The following ECI2 variants were observed in gnomAD, a reference collection of about 807,000 sequenced individuals.
ECI2 encodes the protein D3,D2-enoyl-CoA isomerase.
Under a neutral mutation model 38.4 loss-of-function variants are expected in ECI2, and 27 were observed. That is an observed-to-expected ratio of 0.70 (90% CI 0.52 to 0.97). The LOEUF (loss-of-function observed/expected upper bound fraction) is 0.97. Ranked by LOEUF, ECI2 falls within the 50% of genes least tolerant of loss-of-function variation. ECI2 has a pLI of 0.00. For synonymous variants in ECI2, 168 were observed against 172.0 expected (o/e 0.98, Z 0.18); for missense variants, 470 against 474.4 (o/e 0.99, Z 0.09).
At chr6:4,127,404 CTTTTTTTTTT>C (rs71001567) in intron 5 of ECI2, among the ~76,000 whole-genome samples, 34 of 75,900 alleles carry the variant, frequency 4.5e-4, no homozygotes, top group South Asian at 1.3e-3. Flanking sequence ...ATCTTAGAGC[CTTTTTTTTTT>C]TTTTTTTTTT....
At chr6:4,119,417 T>G in intron 7 of ECI2, 142 bp from the exon 8 acceptor site, 1 of 555,070 alleles carries the variant, frequency 1.8e-6, no homozygotes, top group Admixed American at 3.2e-5. Context: ...ACCCCTTGGG[T>G]TCAAGCGATT....
intron 9 of ECI2, among the ~76,000 whole-genome samples, 192 bp from the exon 10 acceptor site, chr6:4,116,221 C>T (rs1450173428): frequency 2.0e-5 from 3 of 151,756 alleles, no homozygotes; most frequent in African/African-American, 7.3e-5. Context: ...TGTGGTGGTA[C>T]ATGCCTGTGA....
intron 7 of ECI2, chr6:4,121,976 A>T: frequency 6.3e-7 from 1 of 1,599,758 alleles, no homozygotes; most frequent in Non-Finnish European, 8.5e-7. Flanking sequence ...ATGTACCCAG[A>T]AGACACAGCC....
intron 7 of ECI2, among the ~76,000 whole-genome samples, chr6:4,123,125 AT>A (rs1228709941): frequency 6.6e-6 from 1 of 151,808 alleles, no homozygotes; most frequent in Non-Finnish European, 1.5e-5. Context: ...TTATAAAACA[AT>A]TTTTTCTACA....
intron 7 of ECI2, among the ~76,000 whole-genome samples, chr6:4,123,591 A>G (rs1469454685): frequency 6.6e-6 from 1 of 150,662 alleles, no homozygotes; most frequent in Non-Finnish European, 1.5e-5. Context: ...GATATGTTTT[A>G]TATGTATTAT....
intron 2 of ECI2, among the ~76,000 whole-genome samples, chr6:4,132,384 C>A (rs1033335732): frequency 2.0e-5 from 3 of 152,012 alleles, no homozygotes; most frequent in Non-Finnish European, 4.4e-5. Flanking sequence ...GACTGTATAA[C>A]CTGAAGCCCC....
At chr6:4,120,714 GA>G (rs759717859) in intron 7 of ECI2, among the ~76,000 whole-genome samples, 113 of 138,252 alleles carry the variant, frequency 8.2e-4, no homozygotes, top group East Asian at 1.0e-3. Flanking sequence ...ATGACAGAGT[GA>G]AAAAAAAAAA....
chr6:4,133,411 C>T (rs1201815642), intron 2 of ECI2, 138 bp downstream of exon 2: 374 of 744,656 alleles, frequency 5.0e-4, no homozygotes, highest in Non-Finnish European at 6.4e-4. Flanking sequence ...TATATATATA[C>T]ACACACACAC....
chr6:4,119,176 CA>C lies in ECI2; in HGVS notation c.885+9del. 3 of 1,607,394 alleles carry C rather than the reference CA, an allele frequency of 1.9e-6. No individual in the cohort carries two copies. The highest frequency in any genetic ancestry group is 2.5e-6 in the Non-Finnish European group (3 of 1,176,808). ...CATAAAATTTTATATTTAAACATTC[CA>C]AAAGTTACCTTGGCTGGGCTCATTA... is the stretch of plus-strand genomic sequence containing the variant. On this transcript the variant is annotated intron_variant, in intron 8 of 9. Coordinates refer to ENST00000380118, the MANE Select transcript of ECI2 (RefSeq NM_206836.3).
At chr6:4,129,461 G>A (rs1386120160) in intron 4 of ECI2, among the ~76,000 whole-genome samples, 1 of 152,112 alleles carries the variant, frequency 6.6e-6, no homozygotes, top group African/African-American at 2.4e-5. Flanking sequence ...ATGTGAACTT[G>A]AGTAAGTTAC....
Position 4,133,560 on chromosome 6 carries a change from G to C in ECI2, c.202C>G (p.Leu68Val), listed in dbSNP as rs1773590667. ...CCGTAGGCATTTACCTGCTTATATA[G>C]CGCGTAGAGTTTTAGCTTCACTTCG... ...GNEVKLKLYA[L>V]YKQATEGPCN... Residue 68 changes from leucine to valine, a missense_variant, in exon 2 of 10, where the codon CTA becomes GTA. Leu to Val is a conservative substitution (Grantham distance 32). Coordinates refer to ENST00000380118, the MANE Select transcript of ECI2 (RefSeq NM_206836.3). The C allele has an allele frequency of 6.2e-7, 1 of 1,611,792 alleles. No individual in the cohort carries two copies. The highest frequency in any genetic ancestry group is 1.7e-5 in the Admixed American group (1 of 59,556).
chr6:4,125,295 G>A lies in ECI2; in HGVS notation c.750C>T (p.Ser250=), dbSNP rs749602104. 7 of 1,614,016 alleles carry A rather than the reference G, an allele frequency of 4.3e-6. No homozygotes were observed. Among genetic ancestry groups the A allele is most frequent in the Middle Eastern group, 3.3e-4 (2 of 6,084 alleles). The part of the protein sequence containing the change: ...AVVNGPAVGI[S]VTLLGLFDAV... ...CATCGAATAGCCCAAGGAGGGTGAC[G>A]GAGATGCCCACAGCTGGACCATTGA... The change falls in exon 7 of 10, where the codon TCC becomes TCT. Residue 250 remains serine (S), a synonymous_variant. Coordinates refer to ENST00000380118, the MANE Select transcript of ECI2 (RefSeq NM_206836.3).
chr6:4,131,930 A>G (rs1359763692), intron 2 of ECI2, among the ~76,000 whole-genome samples: 1 of 152,152 alleles, frequency 6.6e-6, no homozygotes, highest in Non-Finnish European at 1.5e-5. Context: ...ATTTCTTTAG[A>G]CAGAGATAGT....
Position 4,115,859 on chromosome 6 carries a change from C to G in ECI2, c.*15G>C, listed in dbSNP as rs1366480382. The G allele has an allele frequency of 6.2e-7, 1 of 1,605,116 alleles. No individual in the cohort carries two copies. Among genetic ancestry groups the G allele is most frequent in the East Asian group, 2.2e-5 (1 of 44,870 alleles). ...CATCCTTCCTTGGACATGCTTTACTCTGCTGTAGTGGTCATCACAGTTTTG... is the reference window on the plus strand; with the variant it reads ...CATCCTTCCTTGGACATGCTTTACTGTGCTGTAGTGGTCATCACAGTTTTG... On this transcript the variant is annotated 3_prime_UTR_variant, in exon 10 of 10. Coordinates refer to ENST00000380118, the MANE Select transcript of ECI2 (RefSeq NM_206836.3).
chr6:4,134,647 C>T (rs747449777), intron 1 of ECI2, among the ~76,000 whole-genome samples: 11 of 152,142 alleles, frequency 7.2e-5, no homozygotes. Context: ...TAGGTTCAAA[C>T]TTTGGACTAT....
At position 4,129,120 on chromosome 6, in the gene ECI2, T is replaced by C. The variant is rs563892771; in HGVS notation, c.501+1252A>G. Among the ~76,000 whole-genome samples, 27 of 146,972 alleles carry C rather than the reference T, an allele frequency of 1.8e-4. 1 individual carries two copies. The highest frequency in any genetic ancestry group is 6.1e-4 in the East Asian group (3 of 4,936). On this transcript the variant is annotated intron_variant, in intron 4 of 9. Coordinates refer to ENST00000380118, the MANE Select transcript of ECI2 (RefSeq NM_206836.3). ...TCCCTCCCTCCCTTCCTCCCTTCCT[T>C]CCTTCCTTCTTTTTTGAGATGGAGT...
intron 8 of ECI2, chr6:4,118,930 A>G: frequency 2.9e-6 from 1 of 345,532 alleles, no homozygotes; most frequent in Non-Finnish European, 5.3e-6. Flanking sequence ...CAGTGCAGCT[A>G]GCACTAAGCA....
chr6:4,132,761 TCTC>T (rs1773558056), intron 2 of ECI2, among the ~76,000 whole-genome samples: 1 of 152,170 alleles, frequency 6.6e-6, no homozygotes, highest in African/African-American at 2.4e-5. Context: ...CATCTCTCTC[TCTC>T]TTTATTTTCT....
chr6:4,115,885 A>G lies in ECI2; in HGVS notation c.1174T>C (p.Ser392Pro), dbSNP rs1408016303. ...NAVVNFLSRK[S>P]KL Reference sequence around the variant, plus strand: ...TGCTGTAGTGGTCATCACAGTTTTGATTTTCTGGATAAGAAGTTCACCACA... The same window carrying G: ...TGCTGTAGTGGTCATCACAGTTTTGGTTTTCTGGATAAGAAGTTCACCACA... The change falls in exon 10 of 10, where the codon TCA becomes CCA. Residue 392 changes from serine to proline, a missense_variant. Coordinates refer to ENST00000380118, the MANE Select transcript of ECI2 (RefSeq NM_206836.3). 2 of 1,612,578 alleles carry G rather than the reference A, an allele frequency of 1.2e-6. No homozygotes were observed. The highest frequency in any genetic ancestry group is 4.5e-5 in the East Asian group (2 of 44,870).
Sources: gnomAD v4.1 joint callset for allele counts (sites outside exome capture counted in the v4.1 genomes callset) on GRCh38, gnomAD v4.1.1 for gene constraint, MANE v1.5 for transcripts, NCBI Gene and HGNC (gene_info 2026-07-23, HGNC 2026-07-21) for gene names.